The following BMP2K variants were observed in gnomAD, a reference collection of about 807,000 sequenced individuals.
The protein encoded by BMP2K is BMP-2-inducible protein kinase.
In BMP2K, 74 loss-of-function variants were observed where a neutral mutation model predicts 116.0. The observed-to-expected ratio is 0.64, with a 90% CI of 0.53 to 0.77. The LOEUF (loss-of-function observed/expected upper bound fraction) is 0.77, where lower values mean the gene tolerates loss of function less well. BMP2K is among the 30% of genes least tolerant of loss of function. BMP2K has a pLI of 0.00. For missense variants in BMP2K, 1,365 were observed against 1,403.6 expected (o/e 0.97, Z 0.44); for synonymous variants, 486 against 502.5 (o/e 0.97, Z 0.44).
Position 78,915,457 on chromosome 4 carries a change from A to G in BMP2K, c.*3424A>G, listed in dbSNP as rs910472065. On this transcript the variant is annotated 3_prime_UTR_variant, in exon 16 of 16. Coordinates refer to ENST00000502613, the MANE Select transcript of BMP2K (RefSeq NM_198892.2). Reference sequence around the variant, plus strand: ...TTAATATATTTAGAATGTGCAGTAAACTTTTTTCTCATTTTTTTTTCTTTT... The same window carrying G: ...TTAATATATTTAGAATGTGCAGTAAGCTTTTTTCTCATTTTTTTTTCTTTT... 9 of 151,600 alleles carry G rather than the reference A, an allele frequency of 5.9e-5. No individual in the cohort carries two copies. The highest frequency in any genetic ancestry group is 9.7e-5 in the African/African-American group (4 of 41,294). 9.4% of individuals were successfully genotyped at this position (151,600 alleles called of 1,614,324 possible).
chr4:78,794,189 GA>G (rs771234984), intron 1 of BMP2K, among the ~76,000 whole-genome samples: 3 of 152,008 alleles, frequency 2.0e-5, no homozygotes, highest in Non-Finnish European at 2.9e-5. Flanking sequence ...ATCTGGGGGG[GA>G]ATCCCTTTCT....
At chr4:78,903,656 C>G (rs1033662970) in intron 15 of BMP2K, among the ~76,000 whole-genome samples, 1 of 151,608 alleles carries the variant, frequency 6.6e-6, no homozygotes, top group Non-Finnish European at 1.5e-5. Context: ...GTTGATAAAG[C>G]CTTATAGTGT....
intron 13 of BMP2K, among the ~76,000 whole-genome samples, chr4:78,877,794 T>C (rs1176346475): frequency 6.6e-6 from 1 of 152,182 alleles, no homozygotes. Flanking sequence ...CAAATCAGCA[T>C]CACCACAAAC....
At chr4:78,853,558 T>C (rs971985153) in intron 7 of BMP2K, among the ~76,000 whole-genome samples, 1 of 152,188 alleles carries the variant, frequency 6.6e-6, no homozygotes, top group African/African-American at 2.4e-5. Flanking sequence ...TGAATAGTTA[T>C]GAAGAATGTA....
At chr4:78,813,795 A>C (rs1187727434) in intron 1 of BMP2K, among the ~76,000 whole-genome samples, 1 of 152,084 alleles carries the variant, frequency 6.6e-6, no homozygotes, top group Admixed American at 6.5e-5. Context: ...ATCTTGATTT[A>C]ATTTTTTTCT....
chr4:78,791,718 G>A (rs1337157871), intron 1 of BMP2K, among the ~76,000 whole-genome samples: 1 of 152,066 alleles, frequency 6.6e-6, no homozygotes, highest in African/African-American at 2.4e-5. Flanking sequence ...AGCATTTTGT[G>A]TCTGGCTTAT....
intron 1 of BMP2K, among the ~76,000 whole-genome samples, chr4:78,799,331 A>T (rs2109951765): frequency 6.6e-6 from 1 of 152,262 alleles, no homozygotes; most frequent in South Asian, 2.1e-4. Context: ...TAAAACCTAC[A>T]TATGGTTTCA....
chr4:78,778,949 C>T (rs182736441), intron 1 of BMP2K, among the ~76,000 whole-genome samples: 2 of 152,098 alleles, frequency 1.3e-5, no homozygotes, highest in African/African-American at 4.8e-5. Flanking sequence ...TTTGTTTTGG[C>T]CCAAAGTTGT....
intron 1 of BMP2K, among the ~76,000 whole-genome samples, chr4:78,784,674 GTAT>G (rs1160997255): frequency 2.0e-5 from 3 of 150,638 alleles, no homozygotes; most frequent in Non-Finnish European, 4.4e-5. Context: ...TTTGCAGTAA[GTAT>G]TATTTTAAAA....
At chr4:78,872,882 A>G (rs2110061322) in intron 13 of BMP2K, 84 bp downstream of exon 13, 1 of 1,384,566 alleles carries the variant, frequency 7.2e-7, no homozygotes, top group Non-Finnish European at 1.0e-6. Flanking sequence ...AGTTCTCTTA[A>G]ATTAGTTTAG....
At chr4:78,808,555 C>T (rs150130303) in intron 1 of BMP2K, among the ~76,000 whole-genome samples, 2,424 of 152,284 alleles carry the variant, frequency 0.016, 23 homozygotes, top group Non-Finnish European at 0.024. Context: ...CGTGAGCCAC[C>T]ATGCCCGGCC....
At chr4:78,857,986 A>G (rs1419125351) in intron 7 of BMP2K, among the ~76,000 whole-genome samples, 3 of 151,690 alleles carry the variant, frequency 2.0e-5, no homozygotes, top group Non-Finnish European at 2.9e-5. Context: ...CCAAGCCACT[A>G]TTTTTCCATT....
chr4:78,870,708 A>G lies in BMP2K; in HGVS notation c.1232-75A>G, dbSNP rs1732286540. ...AATGCCTTAGTTAAATTATTATTGA[A>G]ATGAGCATGTTGAAATCCAGCTTTT... On this transcript the variant is annotated intron_variant, in intron 10 of 15. Coordinates refer to ENST00000502613, the MANE Select transcript of BMP2K (RefSeq NM_198892.2). 7 of 1,517,450 alleles carry G rather than the reference A, an allele frequency of 4.6e-6. No individual in the cohort carries two copies. The South Asian group carries it at 9.3e-5, about 20-fold the overall frequency. 94.0% of individuals were successfully genotyped at this position (1,517,450 alleles called of 1,614,324 possible). A position where few individuals can be genotyped will look rare whatever the true frequency, so the allele number is the denominator to read the frequency against.
At chr4:78,786,659 C>T (rs1727746270) in intron 1 of BMP2K, among the ~76,000 whole-genome samples, 1 of 152,116 alleles carries the variant, frequency 6.6e-6, no homozygotes, top group South Asian at 2.1e-4. Context: ...TACTGGCCTC[C>T]ACCACTCTGT....
chr4:78,796,957 G>C (rs148924479), intron 1 of BMP2K, among the ~76,000 whole-genome samples: 159 of 152,318 alleles, frequency 1.0e-3, no homozygotes, highest in African/African-American at 3.6e-3. Context: ...AAGTCAAAAA[G>C]TAGTGGCTTC....
intron 3 of BMP2K, among the ~76,000 whole-genome samples, chr4:78,840,439 G>A (rs1042346415): frequency 1.2e-4 from 18 of 152,098 alleles, no homozygotes; most frequent in African/African-American, 4.3e-4. Flanking sequence ...GCTCTCAGGC[G>A]ATAGATGATT....
intron 1 of BMP2K, among the ~76,000 whole-genome samples, chr4:78,806,189 T>A (rs181842383): frequency 1.1e-3 from 170 of 152,124 alleles, no homozygotes; most frequent in South Asian, 2.3e-3. Context: ...TATTTAAATT[T>A]TTAGGATAAT....
At chr4:78,873,591 A>G (rs1732476002) in intron 13 of BMP2K, among the ~76,000 whole-genome samples, 1 of 152,176 alleles carries the variant, frequency 6.6e-6, no homozygotes, top group African/African-American at 2.4e-5. Context: ...CATCAGTAGC[A>G]TACTTGTACA....
intron 10 of BMP2K, among the ~76,000 whole-genome samples, chr4:78,866,427 G>T (rs113204083): frequency 2.6e-5 from 4 of 152,044 alleles, no homozygotes; most frequent in African/African-American, 4.8e-5. Context: ...AAGAGTGTAC[G>T]TTTTGAGTCT....
Sources: allele counts gnomAD v4.1 joint callset (sites outside exome capture counted in the v4.1 genomes callset), GRCh38; gene constraint gnomAD v4.1.1; transcripts MANE v1.5; gene names NCBI Gene and HGNC (gene_info 2026-07-23, HGNC 2026-07-21).